The following INPP4B variants were observed in gnomAD, a reference collection of about 807,000 sequenced individuals.
INPP4B encodes the protein inositol polyphosphate-4-phosphatase type II B, also known as inositol polyphosphate 4-phosphatase type II.
In INPP4B, 55 loss-of-function variants were observed where a neutral mutation model predicts 122.5. That is an observed-to-expected ratio of 0.45 (90% CI 0.36 to 0.56). INPP4B has a LOEUF of 0.56. Ranked by LOEUF, INPP4B falls within the 20% of genes least tolerant of loss-of-function variation. The pLI is 0.00. For missense variants in INPP4B, 1,000 were observed against 1,097.7 expected, an observed-to-expected ratio of 0.91 and a Z score of 1.26; for synonymous variants, 403 against 388.7, an observed-to-expected ratio of 1.04 and a Z score of -0.43.
intron 25 of INPP4B, among the ~76,000 whole-genome samples, chr4:142,064,667 T>C (rs1485136670): frequency 1.3e-5 from 2 of 152,164 alleles, no homozygotes; most frequent in Non-Finnish European, 2.9e-5. Flanking sequence ...AGCTCTAATA[T>C]GTCTTTTTCT....
chr4:142,029,575 A>C (rs917518229), intron 25 of INPP4B: 1 of 985,492 alleles, frequency 1.0e-6, no homozygotes, highest in African/African-American at 1.7e-5. Flanking sequence ...AACAAGAGAT[A>C]CAAACAGGTA....
chr4:142,594,102 G>A (rs1738146789), intron 2 of INPP4B, among the ~76,000 whole-genome samples: 1 of 152,094 alleles, frequency 6.6e-6, no homozygotes, highest in African/African-American at 2.4e-5. Flanking sequence ...TTTCTAATTT[G>A]TAACATGAGA....
rs771598341 is a variant in INPP4B at position 142,160,372 on chromosome 4, C to A, written c.1549G>T (p.Asp517Tyr). 6.5e-7 allele frequency: 1 copy of A among 1,541,840 alleles called. No homozygotes were observed. Among genetic ancestry groups the A allele is most frequent in the Non-Finnish European group, 8.8e-7 (1 of 1,131,638 alleles). Reference sequence around the variant, plus strand: ...AAGAGACTTACCCACTCTTCCTCATCATAGTCTGAATGATGTGGTATGGAG... The same window carrying A: ...AAGAGACTTACCCACTCTTCCTCATAATAGTCTGAATGATGTGGTATGGAG... Reference protein sequence around the residue: ...QDSIPHHSDYDEEEWDRVWAN... With the variant: ...QDSIPHHSDYYEEEWDRVWAN... The change falls in exon 17 of 26, where the codon GAT becomes TAT. Residue 517 changes from aspartate to tyrosine, a missense_variant. Asp to Tyr is a radical substitution (Grantham distance 160, BLOSUM62 -3). Coordinates refer to ENST00000262992, the MANE Select transcript of INPP4B (RefSeq NM_001101669.3).
chr4:142,298,683 C>CAAA (rs386401712), intron 9 of INPP4B, among the ~76,000 whole-genome samples: 3,588 of 65,868 alleles, frequency 0.054, 412 homozygotes, highest in East Asian at 0.15. Flanking sequence ...GACTCTGTCT[C>CAAA]AAAAAAAAAA....
chr4:142,537,611 T>C (rs1374548319), intron 2 of INPP4B, among the ~76,000 whole-genome samples: 1 of 151,572 alleles, frequency 6.6e-6, no homozygotes, highest in Non-Finnish European at 1.5e-5. Context: ...TTAAGCAAAA[T>C]GATGGACAAC....
At chr4:142,528,876 A>G (rs192817755) in intron 2 of INPP4B, among the ~76,000 whole-genome samples, 1 of 152,276 alleles carries the variant, frequency 6.6e-6, no homozygotes, top group Admixed American at 6.5e-5. Flanking sequence ...AAATGAAAAA[A>G]GTGAGTTTTG....
chr4:142,298,683 CAA>C (rs386401712), intron 9 of INPP4B, among the ~76,000 whole-genome samples: 249 of 66,420 alleles, frequency 3.7e-3, no homozygotes, highest in African/African-American at 0.014. Context: ...GACTCTGTCT[CAA>C]AAAAAAAAAA....
intron 9 of INPP4B, among the ~76,000 whole-genome samples, chr4:142,272,220 C>A (rs544171851): frequency 6.6e-6 from 1 of 151,962 alleles, no homozygotes; most frequent in East Asian, 1.9e-4. Context: ...GCAGAAGGGG[C>A]ATTTCTATGA....
intron 11 of INPP4B, among the ~76,000 whole-genome samples, chr4:142,252,963 G>A (rs1423859746): frequency 6.6e-6 from 1 of 152,160 alleles, no homozygotes; most frequent in Non-Finnish European, 1.5e-5. Flanking sequence ...ATACCTAGAT[G>A]GTAGAGCCTA....
At chr4:142,197,655 A>T (rs1838898993) in intron 14 of INPP4B, among the ~76,000 whole-genome samples, 2 of 152,206 alleles carry the variant, frequency 1.3e-5, no homozygotes, top group South Asian at 2.1e-4. Context: ...ATATAGTAAG[A>T]TCACAATAAA....
chr4:142,634,664 T>A (rs951833946), intron 2 of INPP4B, among the ~76,000 whole-genome samples: 6 of 152,216 alleles, frequency 3.9e-5, no homozygotes, highest in African/African-American at 1.2e-4. Flanking sequence ...GAAGCTCTCA[T>A]TAATCTGCTA....
At chr4:142,355,960 C>A (rs368479634) in intron 7 of INPP4B, among the ~76,000 whole-genome samples, 33 of 151,140 alleles carry the variant, frequency 2.2e-4, no homozygotes, top group African/African-American at 7.8e-4. Context: ...ATAAGATTAC[C>A]TATTTTTAAA....
chr4:142,257,503 A>G (rs1736923652), intron 11 of INPP4B, among the ~76,000 whole-genome samples: 1 of 152,300 alleles, frequency 6.6e-6, no homozygotes, highest in African/African-American at 2.4e-5. Context: ...CAACTTCAGC[A>G]AAGTCTCAGG....
chr4:142,721,084 A>G (rs1764599437), intron 2 of INPP4B, among the ~76,000 whole-genome samples: 1 of 151,446 alleles, frequency 6.6e-6, no homozygotes, highest in South Asian at 2.1e-4. Context: ...TTCCAAAGTA[A>G]TCTTAGTGCT....
intron 2 of INPP4B, among the ~76,000 whole-genome samples, chr4:142,718,126 G>C (rs892122987): frequency 6.6e-6 from 1 of 152,076 alleles, no homozygotes; most frequent in African/African-American, 2.4e-5. Context: ...CTGGAAATGA[G>C]GTTGAGAAAA....
chr4:142,067,994 C>T (rs1368652143), intron 25 of INPP4B, among the ~76,000 whole-genome samples: 2 of 152,124 alleles, frequency 1.3e-5, no homozygotes, highest in Non-Finnish European at 2.9e-5. Flanking sequence ...CACAAAGATA[C>T]TCCTCGAGAA....
chr4:142,443,621 C>T (rs554104903), intron 3 of INPP4B, among the ~76,000 whole-genome samples: 5 of 152,088 alleles, frequency 3.3e-5, no homozygotes, highest in African/African-American at 1.2e-4. Flanking sequence ...CCTCTGCCCC[C>T]GCCACCAGGC....
At chr4:142,297,962 G>T (rs1293098046) in intron 9 of INPP4B, among the ~76,000 whole-genome samples, 1 of 152,124 alleles carries the variant, frequency 6.6e-6, no homozygotes, top group Non-Finnish European at 1.5e-5. Flanking sequence ...ACCCTGGAAG[G>T]GAGTTTATTA....
intron 2 of INPP4B, among the ~76,000 whole-genome samples, chr4:142,693,583 T>G (rs1310717474): frequency 1.4e-5 from 2 of 145,632 alleles, no homozygotes; most frequent in African/African-American, 5.1e-5. Flanking sequence ...TCTGCTTGCA[T>G]ACATTAAACT....
Sources: gnomAD v4.1 joint callset for allele counts (sites outside exome capture counted in the v4.1 genomes callset) on GRCh38, gnomAD v4.1.1 for gene constraint, MANE v1.5 for transcripts, NCBI Gene and HGNC (gene_info 2026-07-23, HGNC 2026-07-21) for gene names.